The following KCNG3 variants were observed in gnomAD, a reference collection of about 807,000 sequenced individuals.
KCNG3 encodes potassium voltage-gated channel modifier subfamily G member 3, also known as voltage-gated potassium channel regulatory subunit KCNG3.
Under a neutral mutation model 29.0 loss-of-function variants are expected in KCNG3, and 15 were observed. The observed-to-expected ratio is 0.52, with a 90% CI of 0.35 to 0.80. The LOEUF (loss-of-function observed/expected upper bound fraction) is 0.80, where lower values mean the gene tolerates loss of function less well. Among genes scored for constraint, KCNG3 ranks in the 30% least tolerant of loss-of-function variants. KCNG3 has a pLI of 0.01. For missense variants in KCNG3, 512 were observed against 605.7 expected (o/e 0.85, Z 1.62); for synonymous variants, 322 against 248.9 (o/e 1.29, Z -2.76).
intron 1 of KCNG3, among the ~76,000 whole-genome samples, chr2:42,480,655 A>G (rs76486634): frequency 0.01 from 1,576 of 151,598 alleles, 24 homozygotes; most frequent in African/African-American, 0.036. Context: ...TTTTTTCAAC[A>G]TTTACAAAAT....
At chr2:42,419,438 C>A in the KCNG3 span, among the ~76,000 whole-genome samples, 3 of 151,674 alleles carry the variant, frequency 2.0e-5, no homozygotes, top group East Asian at 5.8e-4. Context: ...GATGGGGTTT[C>A]GCCATGTTGG....
At chr2:42,427,092 T>C in the KCNG3 span, among the ~76,000 whole-genome samples, 2 of 152,180 alleles carry the variant, frequency 1.3e-5, no homozygotes, top group Non-Finnish European at 2.9e-5. Context: ...TAACTAGAAA[T>C]TAAATACTCT....
At chr2:42,436,026 C>G in the KCNG3 span, among the ~76,000 whole-genome samples, 987 of 152,166 alleles carry the variant, frequency 6.5e-3, 10 homozygotes, top group African/African-American at 0.023. Context: ...TGCAATCTAC[C>G]CATACAAGGA....
chr2:42,447,136 A>G (rs1205810289), intron 1 of KCNG3, among the ~76,000 whole-genome samples: 3 of 136,144 alleles, frequency 2.2e-5, no homozygotes, highest in East Asian at 2.0e-4. Flanking sequence ...CTCTCACACT[A>G]TTCCAGCCAC....
intron 1 of KCNG3, among the ~76,000 whole-genome samples, chr2:42,449,781 T>C (rs1454793917): frequency 6.6e-6 from 1 of 152,180 alleles, no homozygotes; most frequent in Admixed American, 6.6e-5. Flanking sequence ...CTATCTTAGG[T>C]AGTAAACTGG....
chr2:42,425,629 T>A, the KCNG3 span, among the ~76,000 whole-genome samples: 134 of 152,216 alleles, frequency 8.8e-4, no homozygotes, highest in African/African-American at 2.9e-3. Flanking sequence ...GATTTTTGAT[T>A]CAACTCAACA....
At chr2:42,419,951 G>A in the KCNG3 span, among the ~76,000 whole-genome samples, 6 of 152,038 alleles carry the variant, frequency 3.9e-5, no homozygotes, top group Non-Finnish European at 7.4e-5. Context: ...AGCTGGGCAC[G>A]GTGGCTCATG....
chr2:42,424,038 T>C, the KCNG3 span, among the ~76,000 whole-genome samples: 1 of 152,190 alleles, frequency 6.6e-6, no homozygotes, highest in African/African-American at 2.4e-5. Context: ...CCAGAGCCTT[T>C]AGGCTCAAGA....
chr2:42,398,921 G>A, the KCNG3 span, among the ~76,000 whole-genome samples: 3 of 152,190 alleles, frequency 2.0e-5, no homozygotes, highest in African/African-American at 4.8e-5. Context: ...GCCTGGGCAG[G>A]AATCGCCTCA....
At chr2:42,460,249 C>T (rs1162581370) in intron 1 of KCNG3, among the ~76,000 whole-genome samples, 1 of 151,112 alleles carries the variant, frequency 6.6e-6, no homozygotes, top group African/African-American at 2.4e-5. Context: ...CCTAGCTACT[C>T]AGAAGGTGGG....
chr2:42,456,021 T>C (rs1672867030), intron 1 of KCNG3, among the ~76,000 whole-genome samples: 1 of 150,848 alleles, frequency 6.6e-6, no homozygotes, highest in Non-Finnish European at 1.5e-5. Context: ...TGTGTAAGAA[T>C]ATAAAATAAG....
rs779813921 is a variant in KCNG3, at chr2:42,444,607, T to C, written c.666-28A>G. 3.2e-6 allele frequency: 5 copies of C among 1,567,662 alleles called. No individual in the cohort carries two copies. Among genetic ancestry groups the C allele is most frequent in the Admixed American group, 1.9e-5 (1 of 53,222 alleles). ...GTCAAGAGAACAAAAGAAGAATTGA[T>C]CATTTTATTTTTAAGCATTTTAATA... On this transcript the variant is annotated intron_variant, in intron 1 of 1. Transcript: ENST00000306078. The surrounding 1 kb of genome is among the most constrained non-coding windows in gnomAD (Gnocchi z 5.8).
At chr2:42,405,584 G>A in the KCNG3 span, among the ~76,000 whole-genome samples, 5 of 150,984 alleles carry the variant, frequency 3.3e-5, no homozygotes, top group Non-Finnish European at 5.9e-5. Flanking sequence ...GATTACAGGC[G>A]TCTGCCACCA....
At position 42,493,120 on chromosome 2, in the gene KCNG3, A is replaced by C. The variant is rs866170436; in HGVS notation, c.382T>G (p.Ser128Ala). ...CCCAGCACGCCCGGCTCGTCGGCCGAGTAGAAGGTGTAGGTGTCGGACATG... is the reference window on the plus strand; with the variant it reads ...CCCAGCACGCCCGGCTCGTCGGCCGCGTAGAAGGTGTAGGTGTCGGACATG... ...DRMSDTYTFY[S>A]ADEPGVLGRD... The change falls in exon 1 of 2, where the codon TCG becomes GCG. Residue 128 changes from serine to alanine, a missense_variant. Physicochemically the swap from Ser to Ala is moderately conservative, Grantham distance 99. Around this residue, in one of 5 missense-constraint regions of KCNG3, gnomAD observed 228 missense variants for 200.0 expected, o/e 1.14. Coordinates refer to ENST00000306078, the MANE Select transcript of KCNG3 (RefSeq NM_133329.6). 1 of 1,598,282 alleles carries C rather than the reference A, an allele frequency of 6.3e-7. No individual in the cohort carries two copies. The highest frequency in any genetic ancestry group is 1.7e-5 in the Admixed American group (1 of 59,078).
chr2:42,483,999 T>G (rs898982133), intron 1 of KCNG3, among the ~76,000 whole-genome samples: 1 of 151,862 alleles, frequency 6.6e-6, no homozygotes, highest in Non-Finnish European at 1.5e-5. Flanking sequence ...CCCAGGCTGG[T>G]CTCGAACTCC....
intron 1 of KCNG3, among the ~76,000 whole-genome samples, chr2:42,469,253 C>A (rs988701895): frequency 6.6e-6 from 1 of 151,738 alleles, no homozygotes; most frequent in South Asian, 2.1e-4. Flanking sequence ...CCCATCTCTA[C>A]TAAAAATACA....
intron 1 of KCNG3, among the ~76,000 whole-genome samples, chr2:42,489,712 T>A (rs553415859): frequency 6.6e-6 from 1 of 152,204 alleles, no homozygotes; most frequent in African/African-American, 2.4e-5. Context: ...GACATTTGAG[T>A]GGCTCAGGAA....
intron 1 of KCNG3, among the ~76,000 whole-genome samples, chr2:42,468,545 T>C (rs1673201978): frequency 2.0e-5 from 3 of 152,108 alleles, no homozygotes; most frequent in South Asian, 2.1e-4. Flanking sequence ...TAACAAAAGA[T>C]ATAAAATAAT....
the KCNG3 span, among the ~76,000 whole-genome samples, chr2:42,396,225 C>T: frequency 6.6e-6 from 1 of 152,158 alleles, no homozygotes; most frequent in Non-Finnish European, 1.5e-5. Flanking sequence ...TCAAAAAAAT[C>T]ATTAAGTTGA....
Sources: allele counts gnomAD v4.1 joint callset (sites outside exome capture counted in the v4.1 genomes callset), GRCh38; gene constraint gnomAD v4.1.1; regional missense constraint gnomAD v4.1.1; non-coding constraint Gnocchi (gnomAD v3.1); transcripts MANE v1.5; gene names NCBI Gene and HGNC (gene_info 2026-07-23, HGNC 2026-07-21).